The following PLCG2 variants were observed in gnomAD, a reference collection of about 807,000 sequenced individuals.
The protein encoded by PLCG2 is phospholipase C gamma 2.
Under a neutral mutation model 175.6 loss-of-function variants are expected in PLCG2, and 69 were observed. The ratio of observed to expected loss-of-function variants is 0.39; its 90% confidence interval spans 0.32 to 0.48. The LOEUF (loss-of-function observed/expected upper bound fraction) is 0.48, where lower values mean the gene tolerates loss of function less well. PLCG2 is among the 20% of genes least tolerant of loss of function. PLCG2 has a pLI of 0.91. For synonymous variants in PLCG2, 827 were observed against 624.0 expected, an observed-to-expected ratio of 1.33 and a Z score of -4.85; for missense variants, 1,798 against 1,650.9, an observed-to-expected ratio of 1.09 and a Z score of -1.54.
At chr16:81,869,420 A>G (rs1369786630) in intron 6 of PLCG2, 122 bp downstream of exon 6, 1 of 705,662 alleles carries the variant, frequency 1.4e-6, no homozygotes. Context: ...TTGCCTCCAG[A>G]GTACATCTTA....
At chr16:81,850,543 C>T (rs559670168) in intron 2 of PLCG2, among the ~76,000 whole-genome samples, 3 of 152,182 alleles carry the variant, frequency 2.0e-5, no homozygotes, top group African/African-American at 7.2e-5. Context: ...ACAAGAGGTC[C>T]AAAGAGTTTT....
intron 2 of PLCG2, among the ~76,000 whole-genome samples, chr16:81,787,697 G>T (rs1483246697): frequency 6.6e-6 from 1 of 151,934 alleles, no homozygotes; most frequent in Non-Finnish European, 1.5e-5. Context: ...ATCACCTCAA[G>T]ATGAAACCCC....
chr16:81,936,107 A>G (rs1910699599), intron 26 of PLCG2, 62 bp from the exon 27 acceptor site: 2 of 1,590,696 alleles, frequency 1.3e-6, no homozygotes, highest in Admixed American at 1.7e-5. Flanking sequence ...CATTGCAGCA[A>G]ACATTAAGAA....
intron 6 of PLCG2, among the ~76,000 whole-genome samples, 191 bp downstream of exon 6, chr16:81,869,489 A>T (rs945422569): frequency 1.3e-5 from 2 of 152,220 alleles, no homozygotes; most frequent in Non-Finnish European, 2.9e-5. Context: ...CTAGCAGAGA[A>T]TGTAATCAAT....
At chr16:81,923,968 C>G (rs1363588192) in intron 22 of PLCG2, among the ~76,000 whole-genome samples, 1 of 152,194 alleles carries the variant, frequency 6.6e-6, no homozygotes, top group Non-Finnish European at 1.5e-5. Context: ...GCAAATGAGA[C>G]TTTCCAAGTC....
chr16:81,776,115 TTTTTGTTTTTTTTGACGGAGTC>T (rs1567456746), upstream of PLCG2, among the ~76,000 whole-genome samples: 2 of 45,220 alleles, frequency 4.4e-5, no homozygotes, highest in Non-Finnish European at 1.1e-4. Context: ...CCTTCTTTCT[TTTTTGTTTTTTTTGACGGAGTC>T]TCACTCTGTT....
intron 2 of PLCG2, among the ~76,000 whole-genome samples, chr16:81,769,896 A>C (rs1910241024): frequency 6.6e-6 from 1 of 150,978 alleles, no homozygotes; most frequent in Non-Finnish European, 1.5e-5. Flanking sequence ...CTGGTGTTTC[A>C]CACCTGCCGG....
chr16:81,807,955 A>G (rs1357337790), intron 2 of PLCG2, among the ~76,000 whole-genome samples: 2 of 152,250 alleles, frequency 1.3e-5, no homozygotes, highest in Non-Finnish European at 2.9e-5. Flanking sequence ...TGAGCAATTC[A>G]TCCCCATGAT....
chr16:81,796,032 C>T (rs145241180), intron 2 of PLCG2, among the ~76,000 whole-genome samples: 206 of 152,284 alleles, frequency 1.4e-3, no homozygotes, highest in Middle Eastern at 6.8e-3. Flanking sequence ...CTCTAGGTGC[C>T]CCAGTGAAGG....
intron 12 of PLCG2, among the ~76,000 whole-genome samples, chr16:81,895,302 T>C (rs1908832169): frequency 6.6e-6 from 1 of 152,202 alleles, no homozygotes. Context: ...GGCTCACGCC[T>C]GTAATCTCAG....
At chr16:81,758,073 T>C (rs1354470383) in intron 2 of PLCG2, among the ~76,000 whole-genome samples, 1 of 152,192 alleles carries the variant, frequency 6.6e-6, no homozygotes, top group Admixed American at 6.6e-5. Context: ...CCTCACGGGC[T>C]CAAGCGATCC....
intron 2 of PLCG2, among the ~76,000 whole-genome samples, chr16:81,848,982 TG>T (rs1256441498): frequency 1.3e-5 from 2 of 152,142 alleles, no homozygotes; most frequent in Non-Finnish European, 2.9e-5. Context: ...ACATTTTCAG[TG>T]GTGCCAACAA....
chr16:81,778,268 G>C (rs1046910069), upstream of PLCG2, among the ~76,000 whole-genome samples: 4 of 152,008 alleles, frequency 2.6e-5, no homozygotes, highest in Admixed American at 6.6e-5. Flanking sequence ...TCTTCAGGAG[G>C]CAGAAGCAGG....
chr16:81,880,812 C>A, intron 7 of PLCG2, 98 bp from the exon 8 acceptor site: 1 of 1,064,530 alleles, frequency 9.4e-7, no homozygotes, highest in Non-Finnish European at 1.4e-6. Flanking sequence ...CTTGTTGCAT[C>A]TGACAAAATG....
intron 2 of PLCG2, among the ~76,000 whole-genome samples, chr16:81,788,836 C>T (rs1321771477): frequency 6.6e-6 from 1 of 152,222 alleles, no homozygotes; most frequent in Admixed American, 6.5e-5. Context: ...TTTGCATTGG[C>T]CGGCTCCACC....
At chr16:81,896,460 C>A (rs1908895750) in intron 13 of PLCG2, among the ~76,000 whole-genome samples, 1 of 151,048 alleles carries the variant, frequency 6.6e-6, no homozygotes. Context: ...TGCCTGTAGT[C>A]CCAGTTACTT....
chr16:81,805,235 C>T lies in PLCG2; in HGVS notation c.193+19053C>T, dbSNP rs141294329. Among the ~76,000 whole-genome samples the T allele has an allele frequency of 4.7e-3, 709 of 152,232 alleles. 15 individuals are homozygous for T. Among genetic ancestry groups the T allele is most frequent in the African/African-American group, 0.016 (659 of 41,540 alleles). ...CAATAAAAGGCCAGGCTCGGTAGCT[C>T]ATGCCTGTAATCCCAGCACTTTGGG... On this transcript the variant is annotated intron_variant, in intron 2 of 32. Coordinates refer to ENST00000564138, the MANE Select transcript of PLCG2 (RefSeq NM_002661.5).
chr16:81,829,811 T>C (rs1443673535), intron 2 of PLCG2, among the ~76,000 whole-genome samples: 1 of 152,176 alleles, frequency 6.6e-6, no homozygotes, highest in African/African-American at 2.4e-5. Context: ...CTTTCTCCTT[T>C]GAAATTGCAG....
chr16:81,853,898 C>T (rs4072682), intron 2 of PLCG2, among the ~76,000 whole-genome samples: 33,269 of 152,010 alleles, frequency 0.22, 4,467 homozygotes, highest in East Asian at 0.55. Flanking sequence ...CCATCCCCAA[C>T]GCTGGGGTTG....
Sources: gnomAD v4.1 joint callset for allele counts (sites outside exome capture counted in the v4.1 genomes callset) on GRCh38, gnomAD v4.1.1 for gene constraint, MANE v1.5 for transcripts, NCBI Gene and HGNC (gene_info 2026-07-23, HGNC 2026-07-21) for gene names.